GANC: variants seen among roughly 807,000 people sequenced by gnomAD.
The protein encoded by GANC is neutral alpha-glucosidase C.
A neutral mutation model predicts 124.2 loss-of-function variants in GANC; 117 were observed. The ratio of observed to expected loss-of-function variants is 0.94; its 90% CI spans 0.81 to 1.10. The LOEUF is 1.10. Ranked by LOEUF, GANC falls within the 50% of genes least tolerant of loss-of-function variation. The probability of loss-of-function intolerance (pLI) is 0.00; values close to 1 mark genes in which losing one functional copy is unlikely to be tolerated. For missense variants in GANC, 1,140 were observed against 1,095.0 expected, an observed-to-expected ratio of 1.04 and a Z score of -0.58; for synonymous variants, 377 against 376.8, an observed-to-expected ratio of 1.00 and a Z score of -0.01.
chr15:42,289,821 A>G (rs891564523), intron 4 of GANC, among the ~76,000 whole-genome samples: 1 of 152,278 alleles, frequency 6.6e-6, no homozygotes, highest in Non-Finnish European at 1.5e-5. Context: ...TAGGGTCTTT[A>G]AAGCAGTAAA....
chr15:42,302,448 C>T (rs566173704), intron 6 of GANC, among the ~76,000 whole-genome samples: 2 of 152,282 alleles, frequency 1.3e-5, no homozygotes, highest in African/African-American at 2.4e-5. Context: ...CTCTTCTCCT[C>T]CAAACGATCA....
rs1357353866 is a variant in GANC at position 42,274,273 on chromosome 15, T to G, written c.-209T>G. On this transcript the variant is annotated 5_prime_UTR_variant, in exon 1 of 24. It adds an upstream start codon to the 5' untranslated region. Transcript: ENST00000318010. ...AAGACAAATTTGCCAAATAAATCATTGTAGAAACGCTAGTTTGGGCCTGAA... is the reference window on the plus strand; with the variant it reads ...AAGACAAATTTGCCAAATAAATCATGGTAGAAACGCTAGTTTGGGCCTGAA... 7 of 594,910 alleles carry G rather than the reference T, an allele frequency of 1.2e-5. No individual in the cohort carries two copies. Among genetic ancestry groups the G allele is most frequent in the Non-Finnish European group, 2.1e-5 (7 of 334,438 alleles). 36.9% of individuals were successfully genotyped at this position (594,910 alleles called of 1,614,324 possible).
chr15:42,349,422 T>C lies in GANC; in HGVS notation c.2458T>C (p.Ser820Pro). The change falls in exon 22 of 24, where the codon TCA (serine) becomes CCA (proline). Residue 820 changes from serine to proline, a missense_variant. Transcript: ENST00000318010. ...TGAGTTATATCTTGATGATGGCCAT[T>C]CATTCCAATACCTCCACCAGAAGCA... ...VGELYLDDGHSFQYLHQKQFL... is the reference protein window; with the variant it reads ...VGELYLDDGHPFQYLHQKQFL... 1 of 1,613,746 alleles carries C rather than the reference T, an allele frequency of 6.2e-7. No homozygotes were observed. Among genetic ancestry groups the C allele is most frequent in the Non-Finnish European group, 8.5e-7 (1 of 1,179,650 alleles).
chr15:42,294,019 C>T (rs1489329000), intron 5 of GANC, among the ~76,000 whole-genome samples: 1 of 151,596 alleles, frequency 6.6e-6, no homozygotes, highest in Non-Finnish European at 1.5e-5. Context: ...GCACTGCACT[C>T]CAGCCTGGGC....
intron 21 of GANC, 28 bp downstream of exon 21, chr15:42,348,244 G>A (rs1166518607): frequency 7.0e-7 from 1 of 1,419,296 alleles, no homozygotes; most frequent in Non-Finnish European, 9.9e-7. Context: ...TACTCATTTT[G>A]TTTCTACTCT....
intron 3 of GANC, chr15:42,283,956 T>G (rs774928246): frequency 1.4e-6 from 1 of 702,482 alleles, no homozygotes; most frequent in East Asian, 2.7e-5. Flanking sequence ...ATAAACCAAC[T>G]GGCTGCAACT....
At chr15:42,294,522 C>T (rs1294365126) in intron 5 of GANC, among the ~76,000 whole-genome samples, 3 of 142,846 alleles carry the variant, frequency 2.1e-5, no homozygotes, top group Non-Finnish European at 3.0e-5. Context: ...TTGCAGTGAG[C>T]TGAGATCATA....
chr15:42,338,540 G>T (rs2052302269), intron 16 of GANC, 50 bp downstream of exon 16: 1 of 1,313,274 alleles, frequency 7.6e-7, no homozygotes, highest in Non-Finnish European at 1.1e-6. Context: ...AAAAATGAGG[G>T]TGTTTTCATC....
Position 42,274,401 on chromosome 15 carries a change from G to A in GANC, c.-81G>A, listed in dbSNP as rs1404479358. Reference sequence around the variant, plus strand: ...GAAGTACTGGTTGTAATTTTAGAAAGACACCCAATCGGCTTTTTTAAAAGA... The same window carrying A: ...GAAGTACTGGTTGTAATTTTAGAAAAACACCCAATCGGCTTTTTTAAAAGA... On this transcript the variant is annotated 5_prime_UTR_variant, in exon 1 of 24. Transcript: ENST00000318010. 1.4e-6 allele frequency: 2 copies of A among 1,444,772 alleles called. No individual in the cohort carries two copies. The highest frequency in any genetic ancestry group is 4.8e-5 in the East Asian group (2 of 41,906). 89.5% of individuals were successfully genotyped at this position (1,444,772 alleles called of 1,614,324 possible). A position where few individuals can be genotyped will look rare whatever the true frequency, so the allele number is the denominator to read the frequency against.
In GANC at chr15:42,339,781, A is replaced by T. The variant is rs2052315443; in HGVS notation, c.1956A>T (p.Arg652=). The T allele has an allele frequency of 6.2e-7, 1 of 1,614,024 alleles. No homozygotes were observed. The highest frequency in any genetic ancestry group is 1.7e-5 in the Admixed American group (1 of 60,002). Residue 652 remains arginine (R), a synonymous_variant, in exon 17 of 24, where the codon CGA becomes CGT. Coordinates refer to ENST00000318010, the MANE Select transcript of GANC (RefSeq NM_198141.3). The part of the protein sequence containing the change: ...FRGHATMNTK[R]REPWLFGEEH... ...GCCATGCCACCATGAACACCAAGCG[A>T]CGAGAGCCCTGGCTCTTTGGGGAGG... is the stretch of plus-strand genomic sequence containing the variant.
chr15:42,308,386 T>G, intron 8 of GANC, 68 bp downstream of exon 8: 2 of 1,035,638 alleles, frequency 1.9e-6, no homozygotes, highest in Non-Finnish European at 3.0e-6. Flanking sequence ...AAAACATTTG[T>G]GAGCTGTCTG....
intron 1 of GANC, among the ~76,000 whole-genome samples, chr15:42,274,788 G>A (rs990206792): frequency 4.0e-5 from 6 of 151,710 alleles, no homozygotes; most frequent in East Asian, 1.9e-4. Context: ...CCCCCTCCCC[G>A]CCCCCTCGGA....
chr15:42,277,463 G>A (rs113126435), intron 2 of GANC, among the ~76,000 whole-genome samples: 2,708 of 151,574 alleles, frequency 0.018, 40 homozygotes, highest in Non-Finnish European at 0.026. Flanking sequence ...CTGGGAGGCA[G>A]AGATTGTGGT....
At chr15:42,299,822 C>A (rs912618511) in intron 6 of GANC, among the ~76,000 whole-genome samples, 4 of 152,158 alleles carry the variant, frequency 2.6e-5, no homozygotes, top group African/African-American at 9.7e-5. Context: ...CATCTACAAC[C>A]ATCTGATCTT....
rs557980118 is a variant in GANC at position 42,331,801 on chromosome 15, T to A, written c.1741+1129T>A. ...CGTGAGGCTATTTATGTTTAAAAAA[T>A]TTTTTTTCTTTTTTTAATTTTCATA... On this transcript the variant is annotated intron_variant, in intron 15 of 23. Coordinates refer to ENST00000318010, the MANE Select transcript of GANC (RefSeq NM_198141.3). Among the ~76,000 whole-genome samples, 477 of 152,230 alleles carry A rather than the reference T, an allele frequency of 3.1e-3. 1 individual carries two copies. Among genetic ancestry groups the A allele is most frequent in the African/African-American group, 0.011 (449 of 41,520 alleles).
In GANC at chr15:42,280,888, C is replaced by G. The variant is rs1221230247; in HGVS notation, c.201+2298C>G. 4.3e-6 allele frequency: 3 copies of G among 692,438 alleles called. No individual in the cohort carries two copies. The African/African-American group carries it at 5.3e-5, about 12-fold the overall frequency. 42.9% of individuals were successfully genotyped at this position (692,438 alleles called of 1,614,324 possible). On this transcript the variant is annotated intron_variant, in intron 3 of 23. Transcript: ENST00000318010. ...GTAGATCAGTTTCTCTTTTTGGATC[C>G]TGAAAAAGTGAGGAACAATGCTCTT...
At chr15:42,327,237 C>G (rs1037692074) in intron 12 of GANC, 126 bp from the exon 13 acceptor site, 1 of 659,316 alleles carries the variant, frequency 1.5e-6, no homozygotes, top group African/African-American at 1.8e-5. Flanking sequence ...ATGCCTCTGT[C>G]AGCCAACTTT....
chr15:42,312,939 C>CA (rs55722371), intron 10 of GANC, among the ~76,000 whole-genome samples: 2,990 of 126,484 alleles, frequency 0.024, 110 homozygotes, highest in African/African-American at 0.083. Context: ...GACTCCGTCT[C>CA]AAAAAAAAAA....
chr15:42,342,988 C>T, intron 18 of GANC, 90 bp from the exon 19 acceptor site: 2 of 1,070,968 alleles, frequency 1.9e-6, no homozygotes. Context: ...AGGTCTGTAA[C>T]ACCATGATAG....
Sources: gnomAD v4.1 joint callset for allele counts (sites outside exome capture counted in the v4.1 genomes callset) on GRCh38, gnomAD v4.1.1 for gene constraint, MANE v1.5 for transcripts, NCBI Gene and HGNC (gene_info 2026-07-23, HGNC 2026-07-21) for gene names.